GPCPD1: variants seen among roughly 807,000 people sequenced by gnomAD.
GPCPD1 encodes glycerophosphocholine phosphodiesterase 1, also known as glycerophosphocholine phosphodiesterase GPCPD1.
In GPCPD1, 29 loss-of-function variants were observed where a neutral mutation model predicts 89.2. The ratio of observed to expected loss-of-function variants is 0.33; its 90% confidence interval spans 0.24 to 0.44. GPCPD1 has a LOEUF of 0.44. Ranked by LOEUF, GPCPD1 falls within the 20% of genes least tolerant of loss-of-function variation. The pLI is 1.00. For synonymous variants in GPCPD1, 258 were observed against 266.3 expected, an observed-to-expected ratio of 0.97 and a Z score of 0.30; for missense variants, 594 against 808.9, an observed-to-expected ratio of 0.73 and a Z score of 3.22.
chr20:5,559,978 TCTC>T lies in GPCPD1; in HGVS notation c.1491_1493del (p.Arg498del). On this transcript the variant is annotated inframe_deletion, in exon 17 of 20. Transcript: ENST00000379019. The stretch of plus-strand genomic sequence containing the variant: ...CTGCATCAAATGAAGAAAACACTAT[TCTC>T]CTCTTCCCAGAATTTTCTAAAACAG... 6.4e-7 allele frequency: 1 copy of T among 1,561,416 alleles called. No homozygotes were observed. The highest frequency in any genetic ancestry group is 1.2e-5 in the South Asian group (1 of 85,908).
intron 10 of GPCPD1, among the ~76,000 whole-genome samples, chr20:5,574,463 G>A (rs1482043237): frequency 2.0e-5 from 3 of 152,146 alleles, no homozygotes; most frequent in East Asian, 1.9e-4. Flanking sequence ...GAGAAGTTGC[G>A]GTGGCTCACG....
chr20:5,549,651 G>A (rs56208317), intron 19 of GPCPD1, among the ~76,000 whole-genome samples: 3,375 of 151,592 alleles, frequency 0.022, 57 homozygotes, highest in Non-Finnish European at 0.033. Context: ...CATTCACTGA[G>A]GTGGGAGGAC....
chr20:5,559,798 G>A, intron 17 of GPCPD1, 142 bp downstream of exon 17: 4 of 491,128 alleles, frequency 8.1e-6, no homozygotes, highest in Non-Finnish European at 1.5e-5. Context: ...GTCAAGAAAG[G>A]GCATGAGGAA....
chr20:5,589,677 C>T (rs1018904282), intron 4 of GPCPD1, among the ~76,000 whole-genome samples: 27 of 152,266 alleles, frequency 1.8e-4, no homozygotes, highest in African/African-American at 6.3e-4. Context: ...ACATGCAATC[C>T]TTTCATTTAT....
rs1355591736 is a variant in GPCPD1, at chr20:5,545,964, A to G, written c.*1697T>C. The G allele has an allele frequency of 6.6e-6, 1 of 152,278 alleles. No individual in the cohort carries two copies. Among genetic ancestry groups the G allele is most frequent in the Non-Finnish European group, 1.5e-5 (1 of 68,078 alleles). The allele number at this position is 152,278 out of a possible 1,614,324, so 9.4% of individuals were successfully genotyped here. On this transcript the variant is annotated 3_prime_UTR_variant, in exon 20 of 20. Coordinates refer to ENST00000379019, the MANE Select transcript of GPCPD1 (RefSeq NM_019593.5). ...GGAGCAAAGGAGCAGGACTAGAAACAAACATATATGGCTAATCGAGTTACT... is the reference window on the plus strand; with the variant it reads ...GGAGCAAAGGAGCAGGACTAGAAACGAACATATATGGCTAATCGAGTTACT...
intron 4 of GPCPD1, among the ~76,000 whole-genome samples, chr20:5,592,695 C>T (rs1355035394): frequency 1.3e-5 from 2 of 152,184 alleles, no homozygotes; most frequent in African/African-American, 4.8e-5. Flanking sequence ...AGAATCCTTT[C>T]AGCAAATAAG....
chr20:5,586,069 T>G (rs1469426391), intron 5 of GPCPD1, 125 bp downstream of exon 5: 2 of 480,838 alleles, frequency 4.2e-6, no homozygotes, highest in Non-Finnish European at 7.6e-6. Flanking sequence ...CAGTGAAATT[T>G]GTAGCACTGA....
chr20:5,583,519 G>A (rs1978703629), intron 6 of GPCPD1, among the ~76,000 whole-genome samples: 1 of 152,208 alleles, frequency 6.6e-6, no homozygotes, highest in South Asian at 2.1e-4. Context: ...CTGCACTCCA[G>A]CCTGGGCGGG....
At chr20:5,579,852 G>A (rs1486387078) in intron 7 of GPCPD1, among the ~76,000 whole-genome samples, 156 bp downstream of exon 7, 1 of 152,198 alleles carries the variant, frequency 6.6e-6, no homozygotes, top group Non-Finnish European at 1.5e-5. Context: ...AGCAATCTGA[G>A]CGGGGATAAG....
At chr20:5,593,502 G>A (rs898010849) in intron 3 of GPCPD1, 91 bp from the exon 4 acceptor site, 23 of 721,354 alleles carry the variant, frequency 3.2e-5, no homozygotes, top group African/African-American at 1.6e-4. Flanking sequence ...CAAATAAAAC[G>A]TATGACCAAT....
chr20:5,598,879 A>C, intron 2 of GPCPD1, 58 bp from the exon 3 acceptor site: 1 of 1,091,780 alleles, frequency 9.2e-7, no homozygotes, highest in South Asian at 1.3e-5. Context: ...CAGTGGGATA[A>C]GCAGGGAAGT....
intron 14 of GPCPD1, 105 bp downstream of exon 14, chr20:5,566,628 T>C (rs1026724850): frequency 4.4e-5 from 32 of 732,710 alleles, no homozygotes; most frequent in Non-Finnish European, 7.5e-5. Context: ...CCCAGTATTA[T>C]ACTCATAAAA....
intron 1 of GPCPD1, among the ~76,000 whole-genome samples, chr20:5,607,336 TA>T (rs1321395832): frequency 6.6e-6 from 1 of 151,302 alleles, no homozygotes; most frequent in Non-Finnish European, 1.5e-5. Context: ...CTCATGCCTG[TA>T]ATCCCAGCAC....
intron 4 of GPCPD1, among the ~76,000 whole-genome samples, chr20:5,586,724 C>T (rs1978951768): frequency 6.6e-6 from 1 of 152,064 alleles, no homozygotes; most frequent in Non-Finnish European, 1.5e-5. Flanking sequence ...ATAGTAGGAA[C>T]AAGTACTCAA....
intron 17 of GPCPD1, 89 bp from the exon 18 acceptor site, chr20:5,558,908 A>T (rs1307519680): frequency 9.7e-7 from 1 of 1,032,850 alleles, no homozygotes; most frequent in Non-Finnish European, 1.4e-6. Flanking sequence ...GAAAGTATAA[A>T]GAAAACAAAC....
At chr20:5,597,446 G>A (rs1979810882) in intron 3 of GPCPD1, among the ~76,000 whole-genome samples, 1 of 152,204 alleles carries the variant, frequency 6.6e-6, no homozygotes, top group Non-Finnish European at 1.5e-5. Context: ...CATGCATGGA[G>A]TCAAACTGCT....
chr20:5,562,870 G>A (rs765821954), intron 15 of GPCPD1, among the ~76,000 whole-genome samples: 4 of 152,162 alleles, frequency 2.6e-5, no homozygotes, highest in Non-Finnish European at 4.4e-5. Flanking sequence ...CTGGACTAAT[G>A]CAAAATGAGA....
Position 5,554,024 on chromosome 20 carries a change from AGTG to A in GPCPD1, c.1829+3918_1829+3920del, listed in dbSNP as rs1458412159. ...CGCTCTGTCACCCAGGCTGCAGTGC[AGTG>A]GTGTGATCTCTGCTCACTGCAAGCT... On this transcript the variant is annotated intron_variant, in intron 19 of 19. Transcript: ENST00000379019. Among the ~76,000 whole-genome samples, 2 of 136,082 alleles carry A rather than the reference AGTG, an allele frequency of 1.5e-5. 1 individual carries two copies. Among genetic ancestry groups the A allele is most frequent in the African/African-American group, 5.8e-5 (2 of 34,198 alleles). The allele number at this position is 136,082 out of a possible 152,430, so 89.3% of individuals were successfully genotyped here. A position where few individuals can be genotyped will look rare whatever the true frequency, so the allele number is the denominator to read the frequency against.
At chr20:5,607,333 C>A (rs1288634204) in intron 1 of GPCPD1, among the ~76,000 whole-genome samples, 1 of 151,610 alleles carries the variant, frequency 6.6e-6, no homozygotes, top group Non-Finnish European at 1.5e-5. Context: ...TGGCTCATGC[C>A]TGTAATCCCA....
Sources: gnomAD v4.1 joint callset for allele counts (sites outside exome capture counted in the v4.1 genomes callset) on GRCh38, gnomAD v4.1.1 for gene constraint, MANE v1.5 for transcripts, NCBI Gene and HGNC (gene_info 2026-07-23, HGNC 2026-07-21) for gene names.